Variants in NRG1 observed in about 807,000 individuals in gnomAD.
NRG1 encodes the protein pro-neuregulin-1, membrane-bound isoform.
Under a neutral mutation model 63.8 loss-of-function variants are expected in NRG1, and 18 were observed. That is an observed-to-expected ratio of 0.28 (90% confidence interval 0.19 to 0.42). NRG1 has a LOEUF of 0.42. NRG1 is among the 10% of genes least tolerant of loss of function. The pLI, the probability that NRG1 is intolerant of heterozygous loss-of-function variation, is 1.00. For missense variants in NRG1, 762 were observed against 814.7 expected (o/e 0.94, Z 0.79); for synonymous variants, 302 against 301.3 (o/e 1.00, Z -0.02).
chr8:32,383,316 G>A (rs1810584549), intron 1 of NRG1, among the ~76,000 whole-genome samples: 1 of 152,108 alleles, frequency 6.6e-6, no homozygotes, highest in Admixed American at 6.6e-5. Flanking sequence ...GAAATCACAT[G>A]AAACTTATAA....
At chr8:32,678,219 A>G (rs1477944232) in intron 5 of NRG1, among the ~76,000 whole-genome samples, 2 of 152,184 alleles carry the variant, frequency 1.3e-5, no homozygotes, top group Non-Finnish European at 2.9e-5. Flanking sequence ...ACAACAGCCC[A>G]TCATAGAAGT....
In NRG1 at chr8:32,103,324, A is replaced by T. The variant is rs73241677; in HGVS notation, c.37+463893A>T. On this transcript the variant is annotated intron_variant, in intron 1 of 10. Transcript: ENST00000519301. The stretch of plus-strand genomic sequence containing the variant: ...TTCCTGGCTTATTTCACTTAACATG[A>T]TGACCACAGTTCCATCCATATTGTT... 4.2e-4 allele frequency among the ~76,000 whole-genome samples: 64 copies of T among 152,322 alleles called. 1 individual carries two copies. The highest frequency in any genetic ancestry group is 7.2e-4 in the Non-Finnish European group (49 of 68,028).
At chr8:32,520,868 G>T (rs974620380) in intron 1 of NRG1, among the ~76,000 whole-genome samples, 1 of 152,144 alleles carries the variant, frequency 6.6e-6, no homozygotes, top group African/African-American at 2.4e-5. Context: ...TCTTTGTCCA[G>T]GGGATCTATG....
chr8:32,756,584 C>T (rs1829740510), intron 9 of NRG1, 55 bp downstream of exon 9: 1 of 1,525,370 alleles, frequency 6.6e-7, no homozygotes, highest in South Asian at 1.3e-5. Context: ...TGTTCAGACG[C>T]CTTGAAGTTT....
chr8:32,741,223 G>T (rs935734456), intron 6 of NRG1, among the ~76,000 whole-genome samples: 12 of 152,132 alleles, frequency 7.9e-5, no homozygotes, highest in African/African-American at 2.9e-4. Context: ...AATTTTGATA[G>T]TTAAATATAT....
intron 3 of NRG1, among the ~76,000 whole-genome samples, chr8:32,607,932 GC>G (rs1486466665): frequency 6.6e-6 from 1 of 151,954 alleles, no homozygotes; most frequent in Non-Finnish European, 1.5e-5. Flanking sequence ...ATGCAAGTTG[GC>G]CTTCTTTTTA....
At chr8:32,115,314 G>A (rs1339356035) in intron 1 of NRG1, among the ~76,000 whole-genome samples, 4 of 151,894 alleles carry the variant, frequency 2.6e-5, no homozygotes, top group East Asian at 1.9e-4. Context: ...AACTTTTGAC[G>A]CCCCACAGCC....
Position 32,173,947 on chromosome 8 carries a change from C to T in NRG1, c.38-421881C>T, listed in dbSNP as rs149114079. ...ACTGATCAACGAGACAGAAAGTTAACAAGGATATGCAGGCATTGAACTCAG... is the reference window on the plus strand; with the variant it reads ...ACTGATCAACGAGACAGAAAGTTAATAAGGATATGCAGGCATTGAACTCAG... On this transcript the variant is annotated intron_variant, in intron 1 of 10. Transcript: ENST00000519301. Among the ~76,000 whole-genome samples, 1,410 of 152,228 alleles carry T rather than the reference C, an allele frequency of 9.3e-3. 18 individuals carry two copies. The highest frequency in any genetic ancestry group is 0.033 in the African/African-American group (1,353 of 41,522).
intron 1 of NRG1, among the ~76,000 whole-genome samples, chr8:32,237,726 C>T (rs1847715531): frequency 1.3e-5 from 2 of 152,012 alleles, no homozygotes; most frequent in African/African-American, 4.8e-5. Flanking sequence ...GAAACCACAG[C>T]TTATGGTTTC....
At chr8:32,405,025 G>A (rs774934507) in intron 1 of NRG1, among the ~76,000 whole-genome samples, 9 of 152,176 alleles carry the variant, frequency 5.9e-5, no homozygotes, top group Non-Finnish European at 1.0e-4. Flanking sequence ...AAAAGGAACA[G>A]TTGAAATATC....
chr8:32,228,916 G>A (rs999062002), intron 1 of NRG1, among the ~76,000 whole-genome samples: 13 of 151,954 alleles, frequency 8.6e-5, no homozygotes, highest in East Asian at 1.9e-4. Context: ...AGAATTTCCC[G>A]CCAAAGAAAT....
At chr8:32,595,900 A>G in exon 2 of NRG1, 1 of 1,613,836 alleles carries the variant, frequency 6.2e-7, no homozygotes, top group Non-Finnish European at 8.5e-7. Flanking sequence ...CTTCGGTGTG[A>G]AACCAGTTCT....
chr8:32,120,441 G>A (rs1045233140), intron 1 of NRG1, among the ~76,000 whole-genome samples: 16 of 152,070 alleles, frequency 1.1e-4, no homozygotes, highest in Admixed American at 9.8e-4. Flanking sequence ...GAATTGTTAG[G>A]ATTAAATAAA....
At chr8:32,351,613 C>A (rs1006869157) in intron 1 of NRG1, among the ~76,000 whole-genome samples, 1 of 152,130 alleles carries the variant, frequency 6.6e-6, no homozygotes. Flanking sequence ...TGCCTTCCAG[C>A]GTCCATCCCA....
intron 5 of NRG1, among the ~76,000 whole-genome samples, chr8:32,685,404 G>T (rs993646186): frequency 6.6e-6 from 1 of 152,102 alleles, no homozygotes; most frequent in African/African-American, 2.4e-5. Context: ...TTGGAGACTT[G>T]TCAGAATCTT....
intron 1 of NRG1, among the ~76,000 whole-genome samples, chr8:32,361,932 G>C (rs1807266814): frequency 6.6e-6 from 1 of 152,060 alleles, no homozygotes; most frequent in African/African-American, 2.4e-5. Flanking sequence ...ACACAGGTTA[G>C]CTTCTGTGCC....
intron 5 of NRG1, among the ~76,000 whole-genome samples, chr8:32,661,437 C>T (rs1802823535): frequency 6.6e-6 from 1 of 152,096 alleles, no homozygotes; most frequent in South Asian, 2.1e-4. Context: ...TGTTATTAAA[C>T]AAGATCACAG....
chr8:32,683,360 G>C (rs1209103054), intron 5 of NRG1, among the ~76,000 whole-genome samples: 1 of 152,200 alleles, frequency 6.6e-6, no homozygotes, highest in African/African-American at 2.4e-5. Context: ...AAAAGCATTT[G>C]CAGAAAGATT....
At chr8:32,421,139 A>G (rs1418749820) in intron 1 of NRG1, among the ~76,000 whole-genome samples, 2 of 152,092 alleles carry the variant, frequency 1.3e-5, no homozygotes, top group African/African-American at 2.4e-5. Context: ...AGACTAATAC[A>G]CTCATCTTTT....
Sources: gnomAD v4.1 joint callset for allele counts (sites outside exome capture counted in the v4.1 genomes callset) on GRCh38, gnomAD v4.1.1 for gene constraint, MANE v1.5 for transcripts, NCBI Gene and HGNC (gene_info 2026-07-23, HGNC 2026-07-21) for gene names.